The following PREX2 variants were observed in gnomAD, a reference collection of about 807,000 sequenced individuals.
PREX2 encodes phosphatidylinositol-3,4,5-trisphosphate dependent Rac exchange factor 2, also known as phosphatidylinositol 3,4,5-trisphosphate-dependent Rac exchanger 2 protein.
Under a neutral mutation model 203.2 loss-of-function variants are expected in PREX2, and 107 were observed. The observed-to-expected ratio is 0.53, with a 90% confidence interval of 0.45 to 0.62. The LOEUF (loss-of-function observed/expected upper bound fraction) is 0.62, where lower values mean the gene tolerates loss of function less well. Among genes scored for constraint, PREX2 ranks in the 20% least tolerant of loss-of-function variants. PREX2 has a pLI of 0.00. For missense variants in PREX2, 1,777 were observed against 1,955.9 expected (o/e 0.91, Z 1.72); for synonymous variants, 672 against 663.6 (o/e 1.01, Z -0.19).
chr8:68,056,113 G>A (rs1234295687), intron 10 of PREX2, 139 bp downstream of exon 10: 2 of 775,794 alleles, frequency 2.6e-6, no homozygotes, highest in Non-Finnish European at 4.1e-6. Context: ...CATTTCCTGG[G>A]CGGTAGCAGG....
At chr8:68,219,823 C>G (rs1389936676) in intron 38 of PREX2, among the ~76,000 whole-genome samples, 2 of 152,156 alleles carry the variant, frequency 1.3e-5, no homozygotes, top group Non-Finnish European at 2.9e-5. Context: ...TCTTACCTAC[C>G]TATGATTTGA....
chr8:68,048,590 T>G (rs2129611002), intron 8 of PREX2, among the ~76,000 whole-genome samples: 1 of 152,158 alleles, frequency 6.6e-6, no homozygotes, highest in South Asian at 2.1e-4. Flanking sequence ...ATTTTTTTTA[T>G]AAAATTAAAT....
chr8:68,123,947 G>T (rs909326476), intron 30 of PREX2, among the ~76,000 whole-genome samples: 2 of 151,970 alleles, frequency 1.3e-5, no homozygotes, highest in Non-Finnish European at 2.9e-5. Flanking sequence ...CCAAAAACTG[G>T]CAGAGATACA....
chr8:68,131,400 A>C (rs80123098), intron 31 of PREX2, among the ~76,000 whole-genome samples: 2,841 of 152,326 alleles, frequency 0.019, 91 homozygotes, highest in African/African-American at 0.065. Context: ...ACAGAAAATT[A>C]TCTCATGAAA....
At chr8:68,207,263 T>G (rs1357476968) in intron 37 of PREX2, among the ~76,000 whole-genome samples, 1 of 152,184 alleles carries the variant, frequency 6.6e-6, no homozygotes, top group East Asian at 1.9e-4. Flanking sequence ...AGAAGAATCA[T>G]ATCCCATTTA....
chr8:68,029,767 C>T (rs1304560911), intron 5 of PREX2, among the ~76,000 whole-genome samples: 1 of 152,036 alleles, frequency 6.6e-6, no homozygotes, highest in African/African-American at 2.4e-5. Flanking sequence ...AAACAACTAA[C>T]AAGGGCTTTC....
intron 30 of PREX2, 109 bp from the exon 31 acceptor site, chr8:68,127,269 G>T: frequency 2.6e-6 from 2 of 773,678 alleles, no homozygotes; most frequent in East Asian, 5.6e-5. Flanking sequence ...AACTACTTTT[G>T]CATGAACCTA....
intron 34 of PREX2, among the ~76,000 whole-genome samples, chr8:68,147,256 A>G (rs1361527994): frequency 1.3e-5 from 2 of 152,236 alleles, no homozygotes; most frequent in Non-Finnish European, 2.9e-5. Context: ...CTATCTATAT[A>G]ACTAAAGAAT....
intron 6 of PREX2, among the ~76,000 whole-genome samples, chr8:68,031,777 T>C (rs16934012): frequency 0.033 from 4,960 of 152,274 alleles, 267 homozygotes; most frequent in African/African-American, 0.11. Flanking sequence ...ATAATTTCTT[T>C]CCTGGGGAGC....
intron 34 of PREX2, among the ~76,000 whole-genome samples, chr8:68,156,901 A>G: frequency 6.6e-6 from 1 of 152,086 alleles, no homozygotes; most frequent in South Asian, 2.1e-4. Context: ...TCAAAGGGAA[A>G]CTTCTACTCG....
chr8:68,066,185 G>C (rs1181400193), intron 11 of PREX2, among the ~76,000 whole-genome samples: 1 of 152,048 alleles, frequency 6.6e-6, no homozygotes, highest in Non-Finnish European at 1.5e-5. Flanking sequence ...AGTGAACATG[G>C]GGGTACAGAT....
chr8:68,233,516 C>T lies in PREX2; in HGVS notation c.*2138C>T, dbSNP rs1036545339. On this transcript the variant is annotated 3_prime_UTR_variant, in exon 40 of 40. Transcript: ENST00000288368. ...TGTCGTCTATCATGCTTGGTACTTA[C>T]TAAATGCTCAAAAATTAGTAATGGT... 2 of 152,092 alleles carry T rather than the reference C, an allele frequency of 1.3e-5. No individual in the cohort carries two copies. The highest frequency in any genetic ancestry group is 4.8e-5 in the African/African-American group (2 of 41,410). 9.4% of individuals were successfully genotyped at this position (152,092 alleles called of 1,614,324 possible). A position where few individuals can be genotyped will look rare whatever the true frequency, so the allele number is the denominator to read the frequency against.
At chr8:68,048,444 A>G (rs985355842) in intron 8 of PREX2, among the ~76,000 whole-genome samples, 2 of 152,070 alleles carry the variant, frequency 1.3e-5, no homozygotes, top group African/African-American at 2.4e-5. Context: ...ATAGATTTCA[A>G]TATATTCGTC....
intron 22 of PREX2, among the ~76,000 whole-genome samples, chr8:68,098,777 T>C (rs1286086271): frequency 6.6e-6 from 1 of 151,822 alleles, no homozygotes; most frequent in Non-Finnish European, 1.5e-5. Flanking sequence ...TAAAAACTCA[T>C]ACTCCATAGT....
intron 34 of PREX2, among the ~76,000 whole-genome samples, chr8:68,148,010 G>C (rs1811361761): frequency 6.6e-6 from 1 of 152,154 alleles, no homozygotes; most frequent in Non-Finnish European, 1.5e-5. Context: ...ACTTTGGGAG[G>C]CCGAGGCAGG....
At chr8:67,964,271 A>C (rs1042208860) in intron 1 of PREX2, among the ~76,000 whole-genome samples, 6 of 152,192 alleles carry the variant, frequency 3.9e-5, no homozygotes, top group African/African-American at 1.4e-4. Context: ...TCTTTGTAAC[A>C]TGGCTAATCC....
intron 35 of PREX2, among the ~76,000 whole-genome samples, chr8:68,173,282 G>A (rs1811914859): frequency 6.6e-6 from 1 of 152,114 alleles, no homozygotes; most frequent in African/African-American, 2.4e-5. Context: ...CATTTGAAAG[G>A]TGCAGATGCT....
At chr8:68,104,582 C>T (rs1300996648) in intron 23 of PREX2, among the ~76,000 whole-genome samples, 2 of 152,204 alleles carry the variant, frequency 1.3e-5, no homozygotes, top group African/African-American at 4.8e-5. Context: ...GTAATCCATT[C>T]TTCAGTTCAC....
At chr8:68,024,035 CGTGT>C (rs1807644271) in intron 4 of PREX2, among the ~76,000 whole-genome samples, 2 of 151,860 alleles carry the variant, frequency 1.3e-5, no homozygotes, top group African/African-American at 4.8e-5. Flanking sequence ...GCACACCTGC[CGTGT>C]TTCTGATCTC....
Sources: gnomAD v4.1 joint callset for allele counts (sites outside exome capture counted in the v4.1 genomes callset) on GRCh38, gnomAD v4.1.1 for gene constraint, MANE v1.5 for transcripts, NCBI Gene and HGNC (gene_info 2026-07-23, HGNC 2026-07-21) for gene names.